The following RXFP2 variants were observed in gnomAD, a reference collection of about 807,000 sequenced individuals.
RXFP2 encodes the protein relaxin receptor 2.
A neutral mutation model predicts 88.6 loss-of-function variants in RXFP2; 68 were observed. The observed-to-expected ratio is 0.77, with a 90% CI of 0.63 to 0.94. The LOEUF (loss-of-function observed/expected upper bound fraction) is 0.94, where lower values mean the gene tolerates loss of function less well. Ranked by LOEUF, RXFP2 falls within the 40% of genes least tolerant of loss-of-function variation. RXFP2 has a pLI of 0.00. For synonymous variants in RXFP2, 329 were observed against 306.8 expected, an observed-to-expected ratio of 1.07 and a Z score of -0.76; for missense variants, 791 against 893.9, an observed-to-expected ratio of 0.88 and a Z score of 1.47.
At chr13:31,778,248 T>C (rs1490652951) in intron 8 of RXFP2, among the ~76,000 whole-genome samples, 1 of 152,214 alleles carries the variant, frequency 6.6e-6, no homozygotes, top group African/African-American at 2.4e-5. Flanking sequence ...ATATATACTT[T>C]TGTTTCATCT....
At chr13:31,793,119 A>G (rs770575470) in intron 16 of RXFP2, 31 bp downstream of exon 16, 2 of 1,569,786 alleles carry the variant, frequency 1.3e-6, no homozygotes, top group East Asian at 4.5e-5. Flanking sequence ...TCCTGGAAAA[A>G]CATAATTTTG....
At chr13:31,801,561 A>G (rs1874345413) in intron 17 of RXFP2, among the ~76,000 whole-genome samples, 1 of 152,180 alleles carries the variant, frequency 6.6e-6, no homozygotes, top group Non-Finnish European at 1.5e-5. Context: ...CCTCACAAAG[A>G]ACTTCTTGTG....
In RXFP2 at chr13:31,774,627, C is replaced by T. The variant is rs768278214; in HGVS notation, c.505C>T (p.Gln169Ter). ...TTATCTTATTCCTACCAGATTTCTT[C>T]AGCATAATTGCATTAGACACATATC... ...KYTKLKKIFL[Q>*]HNCIRHISRK... The change falls in exon 6 of 18, where the codon CAG becomes TAG. Residue 169 changes from glutamine to a stop codon, truncating the protein, a stop_gained. Coordinates refer to ENST00000298386, the MANE Select transcript of RXFP2 (RefSeq NM_130806.5). LOFTEE classifies it high-confidence loss of function. The T allele has an allele frequency of 6.5e-7, 1 of 1,531,726 alleles. No individual in the cohort carries two copies. Among genetic ancestry groups the T allele is most frequent in the Admixed American group, 1.7e-5 (1 of 59,866 alleles). 94.9% of individuals were successfully genotyped at this position (1,531,726 alleles called of 1,614,324 possible). A position where few individuals can be genotyped will look rare whatever the true frequency, so the allele number is the denominator to read the frequency against.
intron 5 of RXFP2, among the ~76,000 whole-genome samples, chr13:31,767,650 C>T (rs1379838572): frequency 6.6e-6 from 1 of 152,218 alleles, no homozygotes; most frequent in East Asian, 1.9e-4. Flanking sequence ...TCATTACACA[C>T]GAAGTGACTA....
chr13:31,749,478 C>T (rs1871570199), intron 1 of RXFP2, among the ~76,000 whole-genome samples: 1 of 152,150 alleles, frequency 6.6e-6, no homozygotes, highest in African/African-American at 2.4e-5. Flanking sequence ...CACACATACT[C>T]CTGGGATTTT....
intron 2 of RXFP2, among the ~76,000 whole-genome samples, chr13:31,759,154 T>C (rs1872127888): frequency 6.6e-6 from 1 of 151,648 alleles, no homozygotes; most frequent in South Asian, 2.1e-4. Flanking sequence ...TCCAAATCAC[T>C]GGGACACAGT....
chr13:31,763,537 A>C (rs1246170232), intron 3 of RXFP2, among the ~76,000 whole-genome samples: 1 of 152,208 alleles, frequency 6.6e-6, no homozygotes, highest in Admixed American at 6.5e-5. Flanking sequence ...TCATGTTCAG[A>C]TAGAGGAGAA....
rs1333863196 is a variant in RXFP2 at position 31,802,559 on chromosome 13, G to T, written c.*154G>T. ...TGGCTCCTGTCACTGCATTCCAATGGCAGCTGTACTATCTACCAACCATGC... is the reference window on the plus strand; with the variant it reads ...TGGCTCCTGTCACTGCATTCCAATGTCAGCTGTACTATCTACCAACCATGC... On this transcript the variant is annotated 3_prime_UTR_variant, in exon 18 of 18. Coordinates refer to ENST00000298386, the MANE Select transcript of RXFP2 (RefSeq NM_130806.5). The T allele has an allele frequency of 3.6e-6, 3 of 832,402 alleles. No homozygotes were observed. The highest frequency in any genetic ancestry group is 1.7e-5 in the African/African-American group (1 of 59,944). 51.6% of individuals were successfully genotyped at this position (832,402 alleles called of 1,614,324 possible).
chr13:31,751,546 G>T (rs1417508811), intron 1 of RXFP2, among the ~76,000 whole-genome samples: 2 of 152,122 alleles, frequency 1.3e-5, no homozygotes, highest in African/African-American at 4.8e-5. Context: ...TGTGAGGTGG[G>T]TCCTGCCCAA....
At chr13:31,786,355 T>C (rs1483773461) in intron 11 of RXFP2, 28 bp from the exon 12 acceptor site, 1 of 1,462,972 alleles carries the variant, frequency 6.8e-7, no homozygotes, top group African/African-American at 1.4e-5. Flanking sequence ...CCAAAGTAAT[T>C]GCTTTGGGTT....
intron 5 of RXFP2, among the ~76,000 whole-genome samples, chr13:31,767,412 A>T (rs1450920214): frequency 1.3e-5 from 2 of 152,180 alleles, no homozygotes; most frequent in African/African-American, 4.8e-5. Flanking sequence ...AGGAAATTCT[A>T]ACCACATTCT....
intron 1 of RXFP2, among the ~76,000 whole-genome samples, chr13:31,745,929 AT>A: frequency 6.6e-6 from 1 of 152,278 alleles, no homozygotes; most frequent in Non-Finnish European, 1.5e-5. Context: ...ACGTTAAGAG[AT>A]TAGGAGACGG....
At chr13:31,745,360 G>A (rs1219634984) in intron 1 of RXFP2, among the ~76,000 whole-genome samples, 1 of 152,144 alleles carries the variant, frequency 6.6e-6, no homozygotes, top group African/African-American at 2.4e-5. Context: ...TTTTGCCTGT[G>A]GGTGAACCAG....
intron 1 of RXFP2, among the ~76,000 whole-genome samples, chr13:31,757,984 C>T (rs1307161876): frequency 6.6e-6 from 1 of 152,102 alleles, no homozygotes; most frequent in African/African-American, 2.4e-5. Context: ...CTTGGCTACT[C>T]GGGAGGCTGA....
Position 31,758,385 on chromosome 13 carries a change from G to A in RXFP2, c.222G>A (p.Gly74=). The change falls in exon 2 of 18, where the codon GGG becomes GGA. Residue 74 remains glycine (G), a synonymous_variant. Coordinates refer to ENST00000298386, the MANE Select transcript of RXFP2 (RefSeq NM_130806.5). ...ATGGCAAGGATGACTGTGGGAACGGGGCGGACGAAGAGAACTGTGGTGAGT... is the reference window on the plus strand; with the variant it reads ...ATGGCAAGGATGACTGTGGGAACGGAGCGGACGAAGAGAACTGTGGTGAGT... ...HCDGKDDCGN[G]ADEENCGDTS... 6.2e-7 allele frequency: 1 copy of A among 1,614,112 alleles called. No homozygotes were observed. Among genetic ancestry groups the A allele is most frequent in the Non-Finnish European group, 8.5e-7 (1 of 1,179,996 alleles).
chr13:31,785,564 G>A (rs961839676), intron 11 of RXFP2, among the ~76,000 whole-genome samples: 4 of 150,940 alleles, frequency 2.7e-5, no homozygotes, highest in Non-Finnish European at 5.9e-5. Context: ...TTTGTATCTA[G>A]TTGCTACTCT....
At chr13:31,770,563 G>A (rs543111482) in intron 5 of RXFP2, among the ~76,000 whole-genome samples, 56 of 152,252 alleles carry the variant, frequency 3.7e-4, no homozygotes, top group African/African-American at 1.2e-3. Context: ...TAGGAGTTGA[G>A]AAATAAGCAG....
chr13:31,776,225 C>T (rs1280986477), intron 7 of RXFP2, among the ~76,000 whole-genome samples: 2 of 139,936 alleles, frequency 1.4e-5, no homozygotes, highest in East Asian at 2.0e-4. Flanking sequence ...TGCTTGCTTG[C>T]CTTCCTTTTT....
intron 11 of RXFP2, among the ~76,000 whole-genome samples, chr13:31,785,537 G>C (rs1387403519): frequency 6.6e-6 from 1 of 151,150 alleles, no homozygotes; most frequent in African/African-American, 2.4e-5. Flanking sequence ...AATAGCACCT[G>C]TTTGATTGTT....
Sources: allele counts gnomAD v4.1 joint callset (sites outside exome capture counted in the v4.1 genomes callset), GRCh38; gene constraint gnomAD v4.1.1; transcripts MANE v1.5; gene names NCBI Gene and HGNC (gene_info 2026-07-23, HGNC 2026-07-21).